ROBO2: variants seen among roughly 807,000 people sequenced by gnomAD.
ROBO2 encodes roundabout homolog 2.
In ROBO2, 53 loss-of-function variants were observed where a neutral mutation model predicts 160.8. That is an observed-to-expected ratio of 0.33 (90% confidence interval 0.26 to 0.41). The LOEUF is 0.41. ROBO2 is among the 10% of genes least tolerant of loss of function. The pLI is 1.00. For synonymous variants in ROBO2, 664 were observed against 611.7 expected (o/e 1.09, Z -1.26); for missense variants, 1,577 against 1,722.4 (o/e 0.92, Z 1.49).
intron 2 of ROBO2, among the ~76,000 whole-genome samples, chr3:76,731,508 A>G (rs1200228699): frequency 3.3e-5 from 5 of 152,076 alleles, no homozygotes; most frequent in Admixed American, 3.3e-4. Flanking sequence ...TTCTTTCTCA[A>G]TGGTAACTTA....
At chr3:76,091,122 T>G (rs2069213648) in intron 2 of ROBO2, among the ~76,000 whole-genome samples, 4 of 152,164 alleles carry the variant, frequency 2.6e-5, no homozygotes, top group Admixed American at 2.6e-4. Context: ...TGGAAACTTT[T>G]GCTCATCACA....
chr3:76,509,269 A>G (rs2107728168), intron 2 of ROBO2, among the ~76,000 whole-genome samples: 1 of 152,288 alleles, frequency 6.6e-6, no homozygotes, highest in African/African-American at 2.4e-5. Context: ...GAGAAAGAAG[A>G]TATTCAATCA....
rs1336796003 is a variant in ROBO2 at position 76,268,864 on chromosome 3, T to C, written c.109+331262T>C. On this transcript the variant is annotated intron_variant, in intron 2 of 26. Coordinates refer to the ROBO2 transcript ENST00000487694. ...TAAATCAGAAAACTGAAATCATGTA[T>C]TGAGTATAGACACATATAAAATGTT... Among the ~76,000 whole-genome samples the C allele has an allele frequency of 2.6e-5, 4 of 152,144 alleles. No individual in the cohort carries two copies. In the East Asian group the frequency reaches 7.7e-4, roughly 29 times the overall value.
chr3:76,161,208 G>A (rs1042161958), intron 2 of ROBO2, among the ~76,000 whole-genome samples: 2 of 152,032 alleles, frequency 1.3e-5, no homozygotes, highest in African/African-American at 4.8e-5. Flanking sequence ...GATGACAGAA[G>A]GGGGTGAAAA....
intron 2 of ROBO2, among the ~76,000 whole-genome samples, chr3:77,186,352 T>C (rs1380427863): frequency 6.6e-6 from 1 of 151,976 alleles, no homozygotes; most frequent in South Asian, 2.1e-4. Context: ...TTAATAACTT[T>C]AGATTCTAAC....
chr3:76,591,451 A>G (rs1013035322), intron 2 of ROBO2, among the ~76,000 whole-genome samples: 2 of 152,272 alleles, frequency 1.3e-5, no homozygotes, highest in Non-Finnish European at 2.9e-5. Context: ...TGTCTAAGCC[A>G]TAGATACTTC....
chr3:77,254,614 T>A (rs1580409508), intron 2 of ROBO2, among the ~76,000 whole-genome samples: 1 of 152,290 alleles, frequency 6.6e-6, no homozygotes, highest in East Asian at 1.9e-4. Flanking sequence ...TTCCACTTTT[T>A]AAAATTTGGT....
At chr3:76,420,512 A>T (rs2075950434) in intron 2 of ROBO2, among the ~76,000 whole-genome samples, 1 of 152,252 alleles carries the variant, frequency 6.6e-6, no homozygotes, top group South Asian at 2.1e-4. Context: ...GTTTTTGATT[A>T]AACACACATT....
At chr3:76,166,700 T>A (rs929032609) in intron 2 of ROBO2, among the ~76,000 whole-genome samples, 1 of 152,102 alleles carries the variant, frequency 6.6e-6, no homozygotes, top group African/African-American at 2.4e-5. Flanking sequence ...CAGCATAATA[T>A]ACATGAGAAT....
chr3:76,144,965 G>T (rs2071829655), intron 2 of ROBO2, among the ~76,000 whole-genome samples: 1 of 151,760 alleles, frequency 6.6e-6, no homozygotes, highest in African/African-American at 2.4e-5. Context: ...TTGTCATACA[G>T]CTGTGGCTTA....
chr3:76,007,938 A>G (rs998456100), intron 2 of ROBO2, among the ~76,000 whole-genome samples: 2 of 152,128 alleles, frequency 1.3e-5, no homozygotes, highest in Non-Finnish European at 2.9e-5. Context: ...TGTGTCAACA[A>G]TTTTTAAAAC....
chr3:77,081,457 A>G (rs2068650397), intron 1 of ROBO2, among the ~76,000 whole-genome samples: 1 of 152,200 alleles, frequency 6.6e-6, no homozygotes, highest in Admixed American at 6.5e-5. Context: ...ATTCATAACC[A>G]TCAGGCAAAT....
At position 75,936,604 on chromosome 3, in the gene ROBO2, A is replaced by G. The variant is rs535764841; in HGVS notation, c.-13-877A>G. 3.6e-4 allele frequency among the ~76,000 whole-genome samples: 55 copies of G among 152,232 alleles called. No individual in the cohort carries two copies. The East Asian group carries it at 8.3e-3, about 23-fold the overall frequency. On this transcript the variant is annotated intron_variant, in intron 1 of 26. Coordinates refer to the ROBO2 transcript ENST00000487694. ...TAACTATTGTACATGTTTACATATG[A>G]AAGGTATAGTTTTGAACTTATCATT...
At chr3:76,082,303 T>C (rs1381810350) in intron 2 of ROBO2, among the ~76,000 whole-genome samples, 1 of 152,036 alleles carries the variant, frequency 6.6e-6, no homozygotes, top group Non-Finnish European at 1.5e-5. Context: ...AGTTAATGGA[T>C]TGGGAAGAGG....
At chr3:76,679,752 T>C (rs1241378751) in intron 2 of ROBO2, among the ~76,000 whole-genome samples, 1 of 152,192 alleles carries the variant, frequency 6.6e-6, no homozygotes, top group Non-Finnish European at 1.5e-5. Flanking sequence ...AAATTCTTTG[T>C]GTCTTTTTAT....
intron 2 of ROBO2, among the ~76,000 whole-genome samples, chr3:76,303,500 C>T (rs984192200): frequency 2.0e-5 from 3 of 151,918 alleles, no homozygotes; most frequent in East Asian, 1.9e-4. Context: ...TCAAAATGCA[C>T]GCACCCAGGT....
At chr3:76,984,606 T>C (rs1361233756) in intron 2 of ROBO2, among the ~76,000 whole-genome samples, 3 of 152,102 alleles carry the variant, frequency 2.0e-5, no homozygotes, top group African/African-American at 7.2e-5. Context: ...GCCATCCTCC[T>C]AGAAAAAGTT....
intron 2 of ROBO2, among the ~76,000 whole-genome samples, chr3:77,255,346 A>G (rs911901072): frequency 1.3e-5 from 2 of 152,246 alleles, no homozygotes; most frequent in South Asian, 2.1e-4. Context: ...AACCAATTCA[A>G]CTATGAGTAG....
At chr3:77,543,942 C>T (rs537130153) in intron 6 of ROBO2, among the ~76,000 whole-genome samples, 110 of 152,118 alleles carry the variant, frequency 7.2e-4, no homozygotes, top group Middle Eastern at 6.8e-3. Flanking sequence ...TAATAATTTT[C>T]GATACATGCT....
Sources: gnomAD v4.1 joint callset for allele counts (sites outside exome capture counted in the v4.1 genomes callset) on GRCh38, gnomAD v4.1.1 for gene constraint, MANE v1.5 for transcripts, NCBI Gene and HGNC (gene_info 2026-07-23, HGNC 2026-07-21) for gene names.